Variants in FOXN3 observed in about 807,000 individuals in gnomAD.
FOXN3 encodes forkhead box protein N3.
Under a neutral mutation model 38.4 loss-of-function variants are expected in FOXN3, and 7 were observed. That is an observed-to-expected ratio of 0.18 (90% CI 0.10 to 0.34). The LOEUF (loss-of-function observed/expected upper bound fraction) is 0.34. FOXN3 is among the 10% of genes least tolerant of loss of function. The probability of loss-of-function intolerance (pLI) is 1.00; values close to 1 mark genes in which losing one functional copy is unlikely to be tolerated. For missense variants in FOXN3, 456 were observed against 613.4 expected, an observed-to-expected ratio of 0.74 and a Z score of 2.71; for synonymous variants, 230 against 242.2, an observed-to-expected ratio of 0.95 and a Z score of 0.47.
intron 4 of FOXN3, among the ~76,000 whole-genome samples, chr14:89,276,045 G>A (rs558064466): frequency 6.6e-6 from 1 of 152,324 alleles, no homozygotes; most frequent in East Asian, 1.9e-4. Flanking sequence ...GGGAGGCCAA[G>A]GCAGATGGAT....
At chr14:89,215,067 A>G (rs1884226837) in intron 4 of FOXN3, among the ~76,000 whole-genome samples, 2 of 152,248 alleles carry the variant, frequency 1.3e-5, no homozygotes, top group Non-Finnish European at 2.9e-5. Flanking sequence ...AGACAAAAAC[A>G]GGATTGGTTG....
chr14:89,528,376 C>CTTT (rs55935162), intron 1 of FOXN3, among the ~76,000 whole-genome samples: 613 of 53,560 alleles, frequency 0.011, 112 homozygotes, highest in African/African-American at 0.023. Flanking sequence ...ATGGATGAAT[C>CTTT]TTTTTTTTTT....
At chr14:89,170,856 A>G (rs941831415) in intron 5 of FOXN3, among the ~76,000 whole-genome samples, 4 of 152,156 alleles carry the variant, frequency 2.6e-5, no homozygotes, top group Non-Finnish European at 5.9e-5. Flanking sequence ...ATATACCAAA[A>G]CCTATAGAAT....
At chr14:89,617,076 T>C (rs1175631764) in intron 1 of FOXN3, among the ~76,000 whole-genome samples, 1 of 152,156 alleles carries the variant, frequency 6.6e-6, no homozygotes, top group Non-Finnish European at 1.5e-5. Flanking sequence ...GTATGTGTAG[T>C]GGGGGTGGGG....
At chr14:89,280,893 G>A (rs1596150531) in intron 4 of FOXN3, 57 bp downstream of exon 4, 1 of 1,466,444 alleles carries the variant, frequency 6.8e-7, no homozygotes, top group Non-Finnish European at 9.5e-7. Flanking sequence ...ACAAAGGAGT[G>A]ATGAAAGGCG....
intron 3 of FOXN3, among the ~76,000 whole-genome samples, chr14:89,300,763 T>C (rs140545824): frequency 1.6e-4 from 25 of 152,218 alleles, no homozygotes; most frequent in African/African-American, 6.0e-4. Flanking sequence ...ATTGCTACAG[T>C]TGTATGTAAT....
intron 1 of FOXN3, among the ~76,000 whole-genome samples, chr14:89,605,525 A>C (rs1896254858): frequency 6.6e-6 from 1 of 152,096 alleles, no homozygotes; most frequent in African/African-American, 2.4e-5. Flanking sequence ...TGAAGAAATA[A>C]ATTAGAATAT....
chr14:89,353,487 C>A (rs1889064702), intron 2 of FOXN3: 1 of 152,138 alleles, frequency 6.6e-6, no homozygotes, highest in African/African-American at 2.4e-5. Context: ...CCTGGCTCAA[C>A]AAATTCACTG....
At chr14:89,615,795 T>C (rs564444200) in intron 1 of FOXN3, among the ~76,000 whole-genome samples, 1 of 152,346 alleles carries the variant, frequency 6.6e-6, no homozygotes, top group East Asian at 1.9e-4. Context: ...TCCCATGTTG[T>C]CAAATATTTA....
intron 1 of FOXN3, among the ~76,000 whole-genome samples, chr14:89,594,744 T>G (rs1896023843): frequency 6.6e-6 from 1 of 152,134 alleles, no homozygotes; most frequent in Admixed American, 6.6e-5. Context: ...TTGGTTCTTT[T>G]GGGTCCTGGC....
At chr14:89,225,745 C>T (rs188123317) in intron 4 of FOXN3, among the ~76,000 whole-genome samples, 5 of 152,316 alleles carry the variant, frequency 3.3e-5, no homozygotes, top group East Asian at 1.9e-4. Context: ...CACAGGTTCA[C>T]GCTTCTGCTC....
intron 3 of FOXN3, among the ~76,000 whole-genome samples, chr14:89,341,743 T>C (rs954939861): frequency 6.6e-6 from 1 of 152,192 alleles, no homozygotes; most frequent in African/African-American, 2.4e-5. Context: ...TTGTACACGG[T>C]TGATTTCATG....
At chr14:89,518,426 C>T (rs1894250895) in intron 1 of FOXN3, among the ~76,000 whole-genome samples, 1 of 152,184 alleles carries the variant, frequency 6.6e-6, no homozygotes, top group African/African-American at 2.4e-5. Context: ...GAGGGGCACA[C>T]ACCTATCCCA....
chr14:89,486,039 T>C (rs1339172427), intron 1 of FOXN3, among the ~76,000 whole-genome samples: 3 of 152,174 alleles, frequency 2.0e-5, no homozygotes, highest in Non-Finnish European at 4.4e-5. Context: ...GGCCCTATGC[T>C]CAGCACCATC....
chr14:89,551,542 G>C lies in FOXN3; in HGVS notation c.-15+67486C>G, dbSNP rs186891578. 2.6e-3 allele frequency among the ~76,000 whole-genome samples: 392 copies of C among 152,258 alleles called. 2 individuals are homozygous for C. The highest frequency in any genetic ancestry group is 9.3e-3 in the African/African-American group (385 of 41,556). On this transcript the variant is annotated intron_variant, in intron 1 of 6. Transcript: ENST00000345097. ...CCCTCCAAGGTACAGAGTTCACAGT[G>C]CTGGTATCTTTTCCCATGAGAAGCC...
intron 1 of FOXN3, among the ~76,000 whole-genome samples, chr14:89,507,549 A>G (rs1438418495): frequency 6.6e-6 from 1 of 152,208 alleles, no homozygotes; most frequent in East Asian, 1.9e-4. Flanking sequence ...GTAAGGAGAA[A>G]TCCAAAATAT....
At chr14:89,325,947 A>G (rs1313176217) in intron 3 of FOXN3, among the ~76,000 whole-genome samples, 1 of 152,238 alleles carries the variant, frequency 6.6e-6, no homozygotes, top group Non-Finnish European at 1.5e-5. Context: ...CACTGAAAAC[A>G]GCTCCATCTA....
At chr14:89,531,424 C>T (rs972826564) in intron 1 of FOXN3, among the ~76,000 whole-genome samples, 1 of 152,180 alleles carries the variant, frequency 6.6e-6, no homozygotes, top group African/African-American at 2.4e-5. Context: ...TAGAAGTTAA[C>T]TCATCCAAGC....
chr14:89,421,884 A>G (rs1162921773), upstream of FOXN3, among the ~76,000 whole-genome samples: 1 of 151,602 alleles, frequency 6.6e-6, no homozygotes, highest in African/African-American at 2.4e-5. Context: ...ACATACATAT[A>G]TACATTAATT....
Sources: gnomAD v4.1 joint callset for allele counts (sites outside exome capture counted in the v4.1 genomes callset) on GRCh38, gnomAD v4.1.1 for gene constraint, MANE v1.5 for transcripts, NCBI Gene and HGNC (gene_info 2026-07-23, HGNC 2026-07-21) for gene names.